Variants in CTSS observed in about 807,000 individuals in gnomAD.
CTSS encodes cathepsin S.
In CTSS, 15 loss-of-function variants were observed where a neutral mutation model predicts 39.9. The observed-to-expected ratio is 0.38, with a 90% CI of 0.25 to 0.58. CTSS has a LOEUF of 0.58. Ranked by LOEUF, CTSS falls within the 20% of genes least tolerant of loss-of-function variation. The pLI is 0.70. For missense variants in CTSS, 250 were observed against 398.2 expected, an observed-to-expected ratio of 0.63 and a Z score of 3.17; for synonymous variants, 126 against 138.2, an observed-to-expected ratio of 0.91 and a Z score of 0.62.
intron 2 of CTSS, 54 bp from the exon 3 acceptor site, chr1:150,758,034 T>A: frequency 6.4e-7 from 1 of 1,556,920 alleles, no homozygotes; most frequent in Non-Finnish European, 8.7e-7. Context: ...CAAATAAGTG[T>A]TTGATGATGA....
Position 150,750,141 on chromosome 1 carries a change from G to A in CTSS, c.658C>T (p.Arg220Cys), listed in dbSNP as rs764417853. 2.5e-6 allele frequency: 4 copies of A among 1,612,378 alleles called. No homozygotes were observed. The highest frequency in any genetic ancestry group is 1.3e-5 in the African/African-American group (1 of 74,836). Residue 220 changes from arginine (R) to cysteine (C), a missense_variant, in exon 6 of 8, where the codon CGT becomes TGT. Physicochemically the swap from Arg to Cys is radical, Grantham distance 180. Coordinates refer to ENST00000368985, the MANE Select transcript of CTSS (RefSeq NM_004079.5). ...GTGTACTTTGAACATGTGGCAGCAC[G>A]ATATTTTGAGTCATATTGACATTTC... is the stretch of plus-strand genomic sequence containing the variant. ...DQKCQYDSKY[R>C]AATCSKYTEL... is the part of the protein sequence containing the mutation.
chr1:150,731,528 A>T lies in CTSS; in HGVS notation c.*1518T>A, dbSNP rs1252772402. 6.6e-6 allele frequency: 1 copy of T among 152,232 alleles called. No individual in the cohort carries two copies. The highest frequency in any genetic ancestry group is 1.5e-5 in the Non-Finnish European group (1 of 68,046). The allele number at this position is 152,232 out of a possible 1,614,324, so 9.4% of individuals were successfully genotyped here. Reference sequence around the variant, plus strand: ...ATTCTTGTTCCTTAAAATGTGCTTTATGGAGAAGGAGCCAGAGTTAGTGAA... The same window carrying T: ...ATTCTTGTTCCTTAAAATGTGCTTTTTGGAGAAGGAGCCAGAGTTAGTGAA... On this transcript the variant is annotated 3_prime_UTR_variant, in exon 8 of 8. Coordinates refer to ENST00000368985, the MANE Select transcript of CTSS (RefSeq NM_004079.5).
At chr1:150,756,671 T>A (rs989827294) in intron 3 of CTSS, among the ~76,000 whole-genome samples, 2 of 151,688 alleles carry the variant, frequency 1.3e-5, no homozygotes, top group African/African-American at 2.4e-5. Context: ...TGACTATATA[T>A]CTCTTTCACT....
chr1:150,745,878 A>G (rs1400649566), intron 7 of CTSS, among the ~76,000 whole-genome samples: 1 of 152,130 alleles, frequency 6.6e-6, no homozygotes, highest in African/African-American at 2.4e-5. Flanking sequence ...CTCAAGGTAT[A>G]CAGTGTGATG....
At chr1:150,736,403 TCTATGC>T in intron 7 of CTSS, among the ~76,000 whole-genome samples, 1 of 152,346 alleles carries the variant, frequency 6.6e-6, no homozygotes, top group South Asian at 2.1e-4. Flanking sequence ...CTAACTTTTA[TCTATGC>T]CTATCCCTAC....
chr1:150,754,516 C>T (rs1223289352), intron 4 of CTSS, among the ~76,000 whole-genome samples: 1 of 151,718 alleles, frequency 6.6e-6, no homozygotes, highest in Non-Finnish European at 1.5e-5. Flanking sequence ...CAACCTCTGC[C>T]TCCCAGGTTC....
chr1:150,739,305 AG>A (rs1186924856), intron 7 of CTSS, among the ~76,000 whole-genome samples: 4 of 152,264 alleles, frequency 2.6e-5, no homozygotes, highest in African/African-American at 9.6e-5. Flanking sequence ...GCTTTGTGAA[AG>A]CCAAGGTAGG....
rs1653169452 is a variant in CTSS, at chr1:150,757,992, T to G, written c.127-12A>C. On this transcript the variant is annotated splice_polypyrimidine_tract_variant and intron_variant, in intron 2 of 7. Coordinates refer to ENST00000368985, the MANE Select transcript of CTSS (RefSeq NM_004079.5). ...ACTGCTTCTTCATTCTAAAACATAATGAAGAAGAACATAGTCATACTGCAT... is the reference window on the plus strand; with the variant it reads ...ACTGCTTCTTCATTCTAAAACATAAGGAAGAAGAACATAGTCATACTGCAT... 1.2e-6 allele frequency: 2 copies of G among 1,612,224 alleles called. No homozygotes were observed. The highest frequency in any genetic ancestry group is 2.7e-5 in the African/African-American group (2 of 74,816).
intron 7 of CTSS, among the ~76,000 whole-genome samples, chr1:150,742,007 G>A (rs1652777723): frequency 6.6e-6 from 1 of 151,850 alleles, no homozygotes; most frequent in Non-Finnish European, 1.5e-5. Context: ...GGGAGACCGA[G>A]GTGGGCAGAT....
intron 7 of CTSS, among the ~76,000 whole-genome samples, chr1:150,739,551 G>A (rs587644059): frequency 3.5e-4 from 53 of 152,148 alleles, no homozygotes; most frequent in Middle Eastern, 6.8e-3. Context: ...GAAATTACCC[G>A]TGCCTGGTGG....
chr1:150,738,423 G>A (rs1652678779), intron 7 of CTSS, among the ~76,000 whole-genome samples: 1 of 151,822 alleles, frequency 6.6e-6, no homozygotes, highest in Non-Finnish European at 1.5e-5. Flanking sequence ...TCACATTTTG[G>A]CATTTCTCAT....
chr1:150,755,777 T>A (rs1003137537), intron 3 of CTSS, among the ~76,000 whole-genome samples: 1 of 151,814 alleles, frequency 6.6e-6, no homozygotes, highest in Admixed American at 6.6e-5. Flanking sequence ...TACTTCTATA[T>A]AGGTCATTTA....
At chr1:150,746,508 G>C (rs1198917234) in intron 7 of CTSS, among the ~76,000 whole-genome samples, 1 of 152,132 alleles carries the variant, frequency 6.6e-6, no homozygotes. Flanking sequence ...TGGAGTGACA[G>C]ACAGGTAAAT....
chr1:150,743,651 A>G (rs1320021998), intron 7 of CTSS, among the ~76,000 whole-genome samples: 8 of 79,920 alleles, frequency 1.0e-4, no homozygotes, highest in Non-Finnish European at 1.6e-4. Flanking sequence ...TTATATATGT[A>G]TATTATGTAT....
intron 2 of CTSS, among the ~76,000 whole-genome samples, chr1:150,759,605 C>T (rs1287797948): frequency 6.6e-6 from 1 of 151,916 alleles, no homozygotes; most frequent in African/African-American, 2.4e-5. Context: ...GCATATTATT[C>T]CTTTATATAT....
At chr1:150,756,011 C>T (rs1290141648) in intron 3 of CTSS, among the ~76,000 whole-genome samples, 1 of 151,886 alleles carries the variant, frequency 6.6e-6, no homozygotes, top group Non-Finnish European at 1.5e-5. Flanking sequence ...CTATGGTAAC[C>T]CCTTAAAATA....
chr1:150,736,982 GA>G (rs1450525551), intron 7 of CTSS, among the ~76,000 whole-genome samples: 1 of 152,118 alleles, frequency 6.6e-6, no homozygotes, highest in Non-Finnish European at 1.5e-5. Context: ...AATTAAATGA[GA>G]GAATGTATTT....
At chr1:150,748,063 G>C in intron 6 of CTSS, 184 bp from the exon 7 acceptor site, 2 of 491,638 alleles carry the variant, frequency 4.1e-6, no homozygotes, top group South Asian at 5.3e-5. Context: ...AGGCCAAGGC[G>C]GGCGGGTCAC....
chr1:150,762,954 A>G (rs1173430959), intron 2 of CTSS, among the ~76,000 whole-genome samples: 1 of 152,174 alleles, frequency 6.6e-6, no homozygotes, highest in Non-Finnish European at 1.5e-5. Flanking sequence ...CAGTATGTCA[A>G]TGAGATAGCT....
Sources: gnomAD v4.1 joint callset for allele counts (sites outside exome capture counted in the v4.1 genomes callset) on GRCh38, gnomAD v4.1.1 for gene constraint, MANE v1.5 for transcripts, NCBI Gene and HGNC (gene_info 2026-07-23, HGNC 2026-07-21) for gene names.